Variants in TFRC observed in about 807,000 individuals in gnomAD.
TFRC encodes transferrin receptor.
In TFRC, 35 loss-of-function variants were observed where a neutral mutation model predicts 85.8. The observed-to-expected ratio is 0.41, with a 90% confidence interval of 0.31 to 0.54. TFRC has a LOEUF of 0.54. Among genes scored for constraint, TFRC ranks in the 20% least tolerant of loss-of-function variants. The pLI is 0.31. For synonymous variants in TFRC, 362 were observed against 328.6 expected (o/e 1.10, Z -1.10); for missense variants, 828 against 921.5 (o/e 0.90, Z 1.31).
chr3:196,056,693 A>G, intron 16 of TFRC, among the ~76,000 whole-genome samples: 1 of 152,064 alleles, frequency 6.6e-6, no homozygotes, highest in East Asian at 1.9e-4. Context: ...GACCCACCAC[A>G]CTCGGCCAAG....
intron 1 of TFRC, among the ~76,000 whole-genome samples, chr3:196,081,674 C>T (rs1719194767): frequency 6.6e-6 from 1 of 152,218 alleles, no homozygotes; most frequent in South Asian, 2.1e-4. Context: ...CCGAAGTCCC[C>T]GGGGCTGAGA....
intron 16 of TFRC, among the ~76,000 whole-genome samples, chr3:196,057,450 G>A (rs1220083676): frequency 3.3e-5 from 5 of 152,138 alleles, no homozygotes; most frequent in African/African-American, 1.2e-4. Flanking sequence ...TTTTGGAGAC[G>A]TGAGTCTTGC....
rs779103158 is a variant in TFRC, at chr3:196,064,303, C to T, written c.1318+6G>A. 1.2e-6 allele frequency: 2 copies of T among 1,605,188 alleles called. No homozygotes were observed. The highest frequency in any genetic ancestry group is 1.3e-5 in the African/African-American group (1 of 74,300). On this transcript the variant is annotated splice_donor_region_variant and intron_variant, in intron 11 of 18. Transcript: ENST00000360110. ...ATATTCAAAAGAATCAAAATTTGTA[C>T]TCTACCTTTTAAGACCATATCTGAG...
rs142396803 is a variant in TFRC at position 196,051,878 on chromosome 3, C to T, written c.*64G>A. 255 of 1,553,088 alleles carry T rather than the reference C, an allele frequency of 1.6e-4. 2 individuals carry two copies. In the African/African-American group the frequency reaches 2.7e-3, roughly 16 times the overall value. On this transcript the variant is annotated 3_prime_UTR_variant, in exon 19 of 19. Coordinates refer to ENST00000360110, the MANE Select transcript of TFRC (RefSeq NM_001128148.3). ...TTGTAGCCCTACTGAAAATTTAGCA[C>T]GATCAGCACAAGTCTAGAAACCAGA... is the stretch of plus-strand genomic sequence containing the variant.
intron 15 of TFRC, 30 bp downstream of exon 15, chr3:196,058,544 T>C (rs1260710948): frequency 2.5e-6 from 4 of 1,598,536 alleles, no homozygotes; most frequent in African/African-American, 1.3e-5. Flanking sequence ...GCTTTTCTAT[T>C]AGTTTGTTCA....
In TFRC at chr3:196,051,898, A is replaced by G. The variant is rs1716337718; in HGVS notation, c.*44T>C. ...TAGCACGATCAGCACAAGTCTAGAA[A>G]CCAGACTACCCTGCTGTTCTCATGG... On this transcript the variant is annotated 3_prime_UTR_variant, in exon 19 of 19. Coordinates refer to ENST00000360110, the MANE Select transcript of TFRC (RefSeq NM_001128148.3). 1.3e-6 allele frequency: 2 copies of G among 1,592,160 alleles called. No homozygotes were observed. Among genetic ancestry groups the G allele is most frequent in the African/African-American group, 1.4e-5 (1 of 73,844 alleles).
Position 196,069,436 on chromosome 3 carries a change from T to TATA in TFRC, c.801+16_801+18dup. 7.1e-7 allele frequency: 1 copy of TATA among 1,412,712 alleles called. No homozygotes were observed. Among genetic ancestry groups the TATA allele is most frequent in the South Asian group, 1.2e-5 (1 of 84,656 alleles). 87.5% of individuals were successfully genotyped at this position (1,412,712 alleles called of 1,614,324 possible). ...ATACCAAAAGTACTGTATTTAATAT[T>TATA]ATAATAACTCATACTCACCTTTTCT... On this transcript the variant is annotated intron_variant, in intron 7 of 18. Transcript: ENST00000360110.
chr3:196,077,146 T>C lies in TFRC; in HGVS notation c.-23-24A>G, dbSNP rs139108610. On this transcript the variant is annotated intron_variant, in intron 1 of 18. Transcript: ENST00000360110. ...ACCTAGGTATCAGAATAGAGAATTA[T>C]TGAGAAAGATACTACTGTATCAGAT... is the stretch of plus-strand genomic sequence containing the variant. The C allele has an allele frequency of 1.4e-4, 213 of 1,566,158 alleles. No individual in the cohort carries two copies. In the African/African-American group the frequency reaches 2.1e-3, roughly 16 times the overall value.
Position 196,051,024 on chromosome 3 carries a change from A to T in TFRC, c.*918T>A, listed in dbSNP as rs1171813653. The T allele has an allele frequency of 4.8e-6, 1 of 206,922 alleles. No homozygotes were observed. The highest frequency in any genetic ancestry group is 7.4e-5 in the East Asian group (1 of 13,504). 12.8% of individuals were successfully genotyped at this position (206,922 alleles called of 1,614,324 possible). On this transcript the variant is annotated 3_prime_UTR_variant, in exon 19 of 19. Transcript: ENST00000360110. ...CCGATAATTATATTCTATTAAAAAA[A>T]CACCATTTATAGTGAACTCTGTCAC...
In TFRC at chr3:196,065,431, G is replaced by GGGT; in HGVS notation, c.1198+11_1198+12insACC. 1 of 468,612 alleles carries GGGT rather than the reference G, an allele frequency of 2.1e-6. No individual in the cohort carries two copies. The highest frequency in any genetic ancestry group is 3.0e-6 in the Non-Finnish European group (1 of 338,932). The allele number at this position is 468,612 out of a possible 1,614,324, so 29.0% of individuals were successfully genotyped here. On this transcript the variant is annotated intron_variant, in intron 10 of 18. Coordinates refer to ENST00000360110, the MANE Select transcript of TFRC (RefSeq NM_001128148.3). ...AAAAAGCGGGGCGGGGGGGGGGGGG[G>GGGT]GCGGTCTTTACCTGGTTCTACAAAG...
chr3:196,052,153 G>A lies in TFRC; in HGVS notation c.2072C>T (p.Ser691Phe), dbSNP rs1577212176. The A allele has an allele frequency of 1.9e-6, 3 of 1,614,080 alleles. No individual in the cohort carries two copies. In the South Asian group the frequency reaches 3.3e-5, roughly 18 times the overall value. ...ATGTCGGAAAGGAGACTCTTTTGGAGATACGTAGGGAGAGAGGAAGTGATA... is the reference window on the plus strand; with the variant it reads ...ATGTCGGAAAGGAGACTCTTTTGGAAATACGTAGGGAGAGAGGAAGTGATA... ...VEYHFLSPYV[S>F]PKESPFRHVF... The change falls in exon 19 of 19, where the codon TCT becomes TTT. Residue 691 changes from serine to phenylalanine, a missense_variant. By Grantham distance (155) the Ser-to-Phe change is radical. Transcript: ENST00000360110.
Position 196,075,200 on chromosome 3 carries a change from A to C in TFRC, c.197T>G (p.Ile66Ser). The C allele has an allele frequency of 1.2e-6, 2 of 1,614,196 alleles. No individual in the cohort carries two copies. Among genetic ancestry groups the C allele is most frequent in the East Asian group, 4.5e-5 (2 of 44,890 alleles). Residue 66 changes from isoleucine to serine, a missense_variant, in exon 3 of 19, where the codon ATC becomes AGC. Ile to Ser is a moderately radical substitution (Grantham distance 142). Transcript: ENST00000360110. ...GATCACAGCAATAGTCCCATAGCAG[A>C]TACTTCCACTACACCTTTTTGGTTT... is the stretch of plus-strand genomic sequence containing the variant. ...VTKPKRCSGS[I>S]CYGTIAVIVF...
At chr3:196,054,341 G>A (rs1457000050) in intron 17 of TFRC, among the ~76,000 whole-genome samples, 1 of 152,082 alleles carries the variant, frequency 6.6e-6, no homozygotes, top group Non-Finnish European at 1.5e-5. Flanking sequence ...GGAGGTGGAG[G>A]TTGCAGTGAG....
rs753091176 is a variant in TFRC, at chr3:196,069,522, T to C, written c.734A>G (p.Asp245Gly). 4.0e-5 allele frequency: 64 copies of C among 1,613,466 alleles called. No homozygotes were observed. The highest frequency in any genetic ancestry group is 5.2e-5 in the Non-Finnish European group (61 of 1,179,688). ...ANFGTKKDFEDLYTPVNGSIV... is the reference protein window; with the variant it reads ...ANFGTKKDFEGLYTPVNGSIV... Reference sequence around the variant, plus strand: ...AGATCCATTCACAGGAGTGTATAAATCCTCAAAATCTTTTTTAGTACCAAA... The same window carrying C: ...AGATCCATTCACAGGAGTGTATAAACCCTCAAAATCTTTTTTAGTACCAAA... Residue 245 changes from aspartate to glycine, a missense_variant, in exon 7 of 19, where the codon GAT becomes GGT. Asp to Gly is a moderately conservative substitution (Grantham distance 94). Transcript: ENST00000360110.
In TFRC at chr3:196,073,995, A is replaced by C; in HGVS notation, c.369T>G (p.Tyr123Ter). 1 of 1,614,138 alleles carries C rather than the reference A, an allele frequency of 6.2e-7. No individual in the cohort carries two copies. Among genetic ancestry groups the C allele is most frequent in the Non-Finnish European group, 8.5e-7 (1 of 1,180,028 alleles). ...GEDFPAARRL[Y>*]WDDLKRKLSE... ...ACAACTTTCTCTTCAGGTCATCCCA[A>C]TATAAGCGACGTGCTGCAGGGAAGT... Residue 123 changes from tyrosine (Y) to a stop codon, truncating the protein, a stop_gained, in exon 4 of 19, where the codon TAT becomes TAG. Transcript: ENST00000360110. LOFTEE classifies it high-confidence loss of function.
chr3:196,066,000 AAAAC>A lies in TFRC; in HGVS notation c.1041-404_1041-401del, dbSNP rs1466023432. Among the ~76,000 whole-genome samples, 759 of 149,412 alleles carry A rather than the reference AAAAC, an allele frequency of 5.1e-3. 4 individuals are homozygous for A. The highest frequency in any genetic ancestry group is 9.1e-3 in the Non-Finnish European group (608 of 66,988). ...CACAAGTCCTGTCTCAAAAAAAAAC[AAAAC>A]AAAACAAAACAAAATAAAAACAAAA... On this transcript the variant is annotated intron_variant, in intron 9 of 18. Transcript: ENST00000360110.
At position 196,062,820 on chromosome 3, in the gene TFRC, C is replaced by T. The variant is rs41297459; in HGVS notation, c.1404+34G>A. 2.0e-3 allele frequency: 3,269 copies of T among 1,603,710 alleles called. 51 individuals are homozygous for T. The African/African-American group carries it at 0.037, about 18-fold the overall frequency. On this transcript the variant is annotated intron_variant, in intron 12 of 18. Coordinates refer to ENST00000360110, the MANE Select transcript of TFRC (RefSeq NM_001128148.3). ...GGACAACAGCCTAAGCCCACAAGCTCGTGTCCAATATGGGAAGGGATGATA... is the reference window on the plus strand; with the variant it reads ...GGACAACAGCCTAAGCCCACAAGCTTGTGTCCAATATGGGAAGGGATGATA...
At chr3:196,055,757 G>A (rs1716729963) in intron 16 of TFRC, among the ~76,000 whole-genome samples, 1 of 149,332 alleles carries the variant, frequency 6.7e-6, no homozygotes, top group African/African-American at 2.5e-5. Context: ...ACCCAGGCTA[G>A]AGTGCAGCAA....
chr3:196,062,939 T>A lies in TFRC; in HGVS notation c.1319A>T (p.Asp440Val). The change falls in exon 12 of 19, where the codon GAT becomes GTT. Residue 440 changes from aspartate (D) to valine (V), a missense_variant and splice_region_variant. Asp to Val is a radical substitution (Grantham distance 152). Transcript: ENST00000360110. ...AATGCTTCTGCTGGGCTGAAACCCA[T>A]CTGAAAGAGAAAAAAGTTAGCTTTA... ...AQMFSDMVLK[D>V]GFQPSRSIIF... 1 of 1,613,876 alleles carries A rather than the reference T, an allele frequency of 6.2e-7. No homozygotes were observed. Among genetic ancestry groups the A allele is most frequent in the Non-Finnish European group, 8.5e-7 (1 of 1,179,952 alleles).
Sources: gnomAD v4.1 joint callset for allele counts (sites outside exome capture counted in the v4.1 genomes callset) on GRCh38, gnomAD v4.1.1 for gene constraint, MANE v1.5 for transcripts, NCBI Gene and HGNC (gene_info 2026-07-23, HGNC 2026-07-21) for gene names.